Variants in ITPK1 observed in about 807,000 individuals in gnomAD.
The protein encoded by ITPK1 is inositol 1,3,4-trisphosphate 5/6-kinase.
ITPK1 carries 21 observed loss-of-function variants against 45.3 expected under a neutral mutation model. That is an observed-to-expected ratio of 0.46 (90% CI 0.33 to 0.67). The LOEUF (loss-of-function observed/expected upper bound fraction) is 0.67. Ranked by LOEUF, ITPK1 falls within the 30% of genes least tolerant of loss-of-function variation. The probability of loss-of-function intolerance (pLI) is 0.02; values close to 1 mark genes in which losing one functional copy is unlikely to be tolerated. For synonymous variants in ITPK1, 258 were observed against 253.6 expected, an observed-to-expected ratio of 1.02 and a Z score of -0.16; for missense variants, 474 against 573.5, an observed-to-expected ratio of 0.83 and a Z score of 1.77.
intron 2 of ITPK1, among the ~76,000 whole-genome samples, chr14:93,084,860 C>T (rs4439695): frequency 0.13 from 20,072 of 152,236 alleles, 1,439 homozygotes; most frequent in South Asian, 0.25. Flanking sequence ...AACTCCTGCC[C>T]ACCCACCAAG....
At chr14:93,023,077 C>G (rs1888552051) in intron 3 of ITPK1, among the ~76,000 whole-genome samples, 1 of 152,084 alleles carries the variant, frequency 6.6e-6, no homozygotes, top group African/African-American at 2.4e-5. Context: ...CTGGGTTTCA[C>G]CATGTTTGGC....
At chr14:92,960,832 A>G (rs548431762) in intron 7 of ITPK1, among the ~76,000 whole-genome samples, 2 of 152,180 alleles carry the variant, frequency 1.3e-5, no homozygotes, top group Non-Finnish European at 2.9e-5. Flanking sequence ...GGCCTGGTAC[A>G]TCCTGGAGGG....
At chr14:92,998,679 TG>T (rs1392381982) in intron 4 of ITPK1, among the ~76,000 whole-genome samples, 4 of 152,072 alleles carry the variant, frequency 2.6e-5, no homozygotes, top group South Asian at 4.1e-4. Context: ...ACACAAAGTT[TG>T]GGGGGAAATG....
At chr14:93,087,788 GA>G (rs1440262218) in intron 2 of ITPK1, among the ~76,000 whole-genome samples, 4 of 152,228 alleles carry the variant, frequency 2.6e-5, no homozygotes, top group Non-Finnish European at 5.9e-5. Flanking sequence ...AACAGTCAAT[GA>G]GGAGTTGATG....
chr14:93,022,594 C>T (rs948960482), intron 3 of ITPK1, among the ~76,000 whole-genome samples: 5 of 151,326 alleles, frequency 3.3e-5, no homozygotes, highest in East Asian at 1.9e-4. Context: ...CTCAGTGCAA[C>T]CTCTGCCTCC....
At chr14:92,994,488 A>G (rs1196176087) in intron 4 of ITPK1, among the ~76,000 whole-genome samples, 1 of 152,202 alleles carries the variant, frequency 6.6e-6, no homozygotes. Flanking sequence ...TGTACCTACT[A>G]GCTTTGGGGT....
chr14:92,941,414 C>T lies in ITPK1; in HGVS notation c.*147G>A. On this transcript the variant is annotated 3_prime_UTR_variant, in exon 11 of 11. Coordinates refer to ENST00000267615, the MANE Select transcript of ITPK1 (RefSeq NM_014216.6). ...ATCCCCCACTACCCCTCATTTAGAT[C>T]ATGACATCAGAGAATCAGGTTAAAA... is the stretch of plus-strand genomic sequence containing the variant. The T allele has an allele frequency of 3.5e-6, 5 of 1,420,906 alleles. No individual in the cohort carries two copies. Among genetic ancestry groups the T allele is most frequent in the Non-Finnish European group, 4.6e-6 (5 of 1,094,892 alleles). 88.0% of individuals were successfully genotyped at this position (1,420,906 alleles called of 1,614,324 possible).
chr14:92,982,440 A>C (rs1000884231), intron 5 of ITPK1, among the ~76,000 whole-genome samples: 1 of 152,158 alleles, frequency 6.6e-6, no homozygotes, highest in Admixed American at 6.5e-5. Flanking sequence ...GCACCGTGAG[A>C]AGAAACACAG....
Position 93,051,324 on chromosome 14 carries a change from A to G in ITPK1, c.120+25271T>C, listed in dbSNP as rs548716898. On this transcript the variant is annotated intron_variant, in intron 3 of 10. Coordinates refer to ENST00000267615, the MANE Select transcript of ITPK1 (RefSeq NM_014216.6). The stretch of plus-strand genomic sequence containing the variant: ...GCAGACCCCAGATCAAACACAGATC[A>G]AGAGAGAGTGGCTGGGAAAGGTGGC... Among the ~76,000 whole-genome samples the G allele has an allele frequency of 2.3e-4, 35 of 152,358 alleles. No homozygotes were observed. In the East Asian group the frequency reaches 5.8e-3, roughly 25 times the overall value.
intron 2 of ITPK1, among the ~76,000 whole-genome samples, chr14:93,086,723 G>A (rs1311091797): frequency 6.6e-6 from 1 of 152,254 alleles, no homozygotes; most frequent in Non-Finnish European, 1.5e-5. Flanking sequence ...GGGAGGGAGA[G>A]GGAGGCTGCC....
chr14:93,081,422 CAATAT>C (rs1891430422), intron 2 of ITPK1, among the ~76,000 whole-genome samples: 1 of 151,892 alleles, frequency 6.6e-6, no homozygotes, highest in South Asian at 2.1e-4. Context: ...TATATAAATA[CAATAT>C]ATTAATATGA....
chr14:93,009,381 G>A (rs925542416), intron 4 of ITPK1, among the ~76,000 whole-genome samples: 3 of 152,192 alleles, frequency 2.0e-5, no homozygotes, highest in African/African-American at 4.8e-5. Flanking sequence ...GGCTCAGAGC[G>A]CAGGCTTTGG....
At chr14:93,043,987 C>G (rs1370471167) in intron 3 of ITPK1, among the ~76,000 whole-genome samples, 1 of 152,224 alleles carries the variant, frequency 6.6e-6, no homozygotes, top group African/African-American at 2.4e-5. Flanking sequence ...TCAAATCCAA[C>G]CATTCTGGAA....
intron 4 of ITPK1, among the ~76,000 whole-genome samples, chr14:93,003,063 G>C (rs1014078730): frequency 6.6e-6 from 1 of 152,250 alleles, no homozygotes. Flanking sequence ...GCAGGGGGAA[G>C]AGCGTGTCAG....
chr14:93,098,803 G>C (rs1036538368), intron 2 of ITPK1, among the ~76,000 whole-genome samples: 1 of 152,146 alleles, frequency 6.6e-6, no homozygotes, highest in Non-Finnish European at 1.5e-5. Context: ...TTCCCTTCCC[G>C]AGCTTCCCTC....
intron 9 of ITPK1, among the ~76,000 whole-genome samples, chr14:92,950,375 C>A (rs1445125184): frequency 1.3e-5 from 2 of 152,264 alleles, no homozygotes; most frequent in African/African-American, 4.8e-5. Flanking sequence ...GTCAGGCCAG[C>A]CTGCGGGCGT....
chr14:92,946,077 G>A (rs1420375739), intron 10 of ITPK1, among the ~76,000 whole-genome samples: 1 of 152,196 alleles, frequency 6.6e-6, no homozygotes, highest in East Asian at 1.9e-4. Context: ...GGAGAGAGGA[G>A]GTGAGGGACA....
chr14:93,106,276 G>A (rs891763244), intron 2 of ITPK1, among the ~76,000 whole-genome samples: 2 of 146,494 alleles, frequency 1.4e-5, no homozygotes, highest in Non-Finnish European at 1.5e-5. Flanking sequence ...CCCTGGCCCC[G>A]AGGGCATAAC....
chr14:92,971,913 A>G (rs889965263), intron 5 of ITPK1, among the ~76,000 whole-genome samples: 1 of 152,168 alleles, frequency 6.6e-6, no homozygotes, highest in Non-Finnish European at 1.5e-5. Flanking sequence ...CCACCAGCAC[A>G]GCACCCCCAG....
Sources: allele counts gnomAD v4.1 joint callset (sites outside exome capture counted in the v4.1 genomes callset), GRCh38; gene constraint gnomAD v4.1.1; transcripts MANE v1.5; gene names NCBI Gene and HGNC (gene_info 2026-07-23, HGNC 2026-07-21).